PRKCB: variants seen among roughly 807,000 people sequenced by gnomAD.
The protein encoded by PRKCB is protein kinase C beta type.
A neutral mutation model predicts 81.5 loss-of-function variants in PRKCB; 13 were observed. The observed-to-expected ratio is 0.16, with a 90% confidence interval of 0.10 to 0.25. The LOEUF is 0.25. Among genes scored for constraint, PRKCB ranks in the 10% least tolerant of loss-of-function variants. The pLI is 1.00. For synonymous variants in PRKCB, 335 were observed against 321.4 expected, an observed-to-expected ratio of 1.04 and a Z score of -0.45; for missense variants, 509 against 875.7, an observed-to-expected ratio of 0.58 and a Z score of 5.29.
chr16:23,999,412 A>C (rs1433204440), intron 3 of PRKCB, among the ~76,000 whole-genome samples: 1 of 152,254 alleles, frequency 6.6e-6, no homozygotes, highest in Non-Finnish European at 1.5e-5. Flanking sequence ...TCCTACAGCT[A>C]TGTTCACATC....
Position 23,836,215 on chromosome 16 carries a change from G to C in PRKCB, c.40G>C (p.Glu14Gln). ...PAAGPPPSEG[E>Q]ESTVRFARKG... ...TGCGGGGCCGCCGCCGAGCGAGGGC[G>C]AGGAGAGCACCGTGCGCTTCGCCCG... Residue 14 changes from glutamate to glutamine, a missense_variant, in exon 1 of 17, where the codon GAG becomes CAG. Transcript: ENST00000643927. 1.3e-6 allele frequency: 2 copies of C among 1,581,696 alleles called. No homozygotes were observed. Among genetic ancestry groups the C allele is most frequent in the South Asian group, 2.2e-5 (2 of 88,922 alleles).
intron 2 of PRKCB, among the ~76,000 whole-genome samples, chr16:23,982,072 C>T (rs1438173030): frequency 1.8e-5 from 2 of 111,920 alleles, no homozygotes; most frequent in South Asian, 3.0e-4. Context: ...CCTTCTCTTT[C>T]CCTTCCCTTT....
intron 2 of PRKCB, among the ~76,000 whole-genome samples, chr16:23,866,829 A>G (rs929009462): frequency 6.6e-6 from 1 of 152,120 alleles, no homozygotes; most frequent in African/African-American, 2.4e-5. Context: ...TCTTTCCCAG[A>G]CCATGATATT....
chr16:24,098,023 A>C (rs771842456), intron 7 of PRKCB, among the ~76,000 whole-genome samples: 34 of 152,176 alleles, frequency 2.2e-4, no homozygotes, highest in Non-Finnish European at 7.3e-5. Flanking sequence ...AAGGAAGGGG[A>C]TATAATGAGA....
chr16:24,000,993 T>G (rs1355965430), intron 3 of PRKCB, among the ~76,000 whole-genome samples: 2 of 146,582 alleles, frequency 1.4e-5, no homozygotes, highest in African/African-American at 5.0e-5. Context: ...AAAGCGGTTT[T>G]TTTTTTTTTG....
intron 7 of PRKCB, among the ~76,000 whole-genome samples, chr16:24,104,623 T>A (rs145618529): frequency 6.6e-6 from 1 of 152,266 alleles, no homozygotes; most frequent in East Asian, 1.9e-4. Context: ...AAGAACTCAC[T>A]GAAAAGGTAA....
chr16:23,923,877 C>T (rs1963861634), intron 2 of PRKCB, among the ~76,000 whole-genome samples: 1 of 152,066 alleles, frequency 6.6e-6, no homozygotes, highest in Non-Finnish European at 1.5e-5. Flanking sequence ...AGAAGCACAC[C>T]AACTTGAAGC....
intron 5 of PRKCB, among the ~76,000 whole-genome samples, chr16:24,067,538 G>T (rs750858788): frequency 6.6e-6 from 1 of 152,134 alleles, no homozygotes; most frequent in Non-Finnish European, 1.5e-5. Context: ...AGCTCAAGCC[G>T]TCTGCCCATG....
At chr16:24,035,230 CA>C (rs905749856) in intron 4 of PRKCB, among the ~76,000 whole-genome samples, 188 bp from the exon 5 acceptor site, 5 of 152,088 alleles carry the variant, frequency 3.3e-5, no homozygotes, top group Non-Finnish European at 7.4e-5. Context: ...CATCAGGGTT[CA>C]GGGGGAAGAG....
At chr16:23,919,823 G>A (rs1433563097) in intron 2 of PRKCB, among the ~76,000 whole-genome samples, 3 of 152,200 alleles carry the variant, frequency 2.0e-5, no homozygotes, top group African/African-American at 7.2e-5. Context: ...ATTGTTGCGT[G>A]TGTCAGAAGT....
chr16:24,214,226 G>A (rs1196980901), intron 16 of PRKCB, among the ~76,000 whole-genome samples: 1 of 152,168 alleles, frequency 6.6e-6, no homozygotes, highest in Non-Finnish European at 1.5e-5. Flanking sequence ...GATCTCCCAG[G>A]TGATGTATAA....
chr16:23,988,210 T>C (rs755855075), intron 2 of PRKCB, among the ~76,000 whole-genome samples: 2 of 152,200 alleles, frequency 1.3e-5, no homozygotes, highest in Non-Finnish European at 2.9e-5. Context: ...CCAAAATCAA[T>C]AGAAGACAAG....
At chr16:24,184,577 C>G (rs560738422) in intron 13 of PRKCB, among the ~76,000 whole-genome samples, 2 of 151,974 alleles carry the variant, frequency 1.3e-5, no homozygotes, top group African/African-American at 4.8e-5. Context: ...ATGAAGTAGA[C>G]CAAATATTAG....
chr16:24,120,590 G>T (rs1966788410), intron 8 of PRKCB, among the ~76,000 whole-genome samples: 1 of 152,094 alleles, frequency 6.6e-6, no homozygotes, highest in Admixed American at 6.5e-5. Flanking sequence ...CCAGCATCCT[G>T]CCAGTTGGTC....
chr16:24,047,467 G>A (rs1182879411), intron 5 of PRKCB, among the ~76,000 whole-genome samples: 1 of 152,034 alleles, frequency 6.6e-6, no homozygotes, highest in East Asian at 1.9e-4. Flanking sequence ...GGAGTTGGTG[G>A]CTGCGGTGAG....
At position 23,867,731 on chromosome 16, in the gene PRKCB, G is replaced by A. The variant is rs528874402; in HGVS notation, c.205+30325G>A. 5.0e-4 allele frequency among the ~76,000 whole-genome samples: 76 copies of A among 152,302 alleles called. 1 individual carries two copies. In the South Asian group the frequency reaches 0.015, roughly 30 times the overall value. The stretch of plus-strand genomic sequence containing the variant: ...TTCATTATTCCCACTTTAAGGATGT[G>A]AAGACTGAGGCTCAGGGTCACAACT... On this transcript the variant is annotated intron_variant, in intron 2 of 16. Coordinates refer to ENST00000643927, the MANE Select transcript of PRKCB (RefSeq NM_002738.7).
At chr16:24,005,736 G>GA (rs1965108578) in intron 3 of PRKCB, among the ~76,000 whole-genome samples, 1 of 152,150 alleles carries the variant, frequency 6.6e-6, no homozygotes, top group African/African-American at 2.4e-5. Flanking sequence ...GCCTCAGTGT[G>GA]AGTGGCAGGA....
intron 10 of PRKCB, among the ~76,000 whole-genome samples, chr16:24,163,495 A>G (rs1397183766): frequency 1.3e-5 from 2 of 152,242 alleles, no homozygotes; most frequent in African/African-American, 4.8e-5. Flanking sequence ...TGGCCTTTGC[A>G]TATTCATTCA....
intron 12 of PRKCB, 104 bp from the exon 13 acceptor site, chr16:24,180,686 C>T: frequency 7.2e-7 from 1 of 1,384,332 alleles, no homozygotes; most frequent in South Asian, 1.3e-5. Context: ...ACCTTTGTGC[C>T]CACACAACAC....
Sources: allele counts gnomAD v4.1 joint callset (sites outside exome capture counted in the v4.1 genomes callset), GRCh38; gene constraint gnomAD v4.1.1; transcripts MANE v1.5; gene names NCBI Gene and HGNC (gene_info 2026-07-23, HGNC 2026-07-21).